The following GNB5 variants were observed in gnomAD, a reference collection of about 807,000 sequenced individuals.
GNB5 encodes the protein G protein subunit beta 5, also known as guanine nucleotide-binding protein subunit beta-5.
In GNB5, 37 loss-of-function variants were observed where a neutral mutation model predicts 55.3. The ratio of observed to expected loss-of-function variants is 0.67; its 90% CI spans 0.51 to 0.88. The LOEUF is 0.88. Among genes scored for constraint, GNB5 ranks in the 40% least tolerant of loss-of-function variants. The probability of loss-of-function intolerance (pLI) is 0.00; values close to 1 mark genes in which losing one functional copy is unlikely to be tolerated. For synonymous variants in GNB5, 219 were observed against 198.5 expected, an observed-to-expected ratio of 1.10 and a Z score of -0.87; for missense variants, 476 against 515.3, an observed-to-expected ratio of 0.92 and a Z score of 0.74.
chr15:52,172,039 C>T (rs971783862), intron 3 of GNB5, among the ~76,000 whole-genome samples: 1 of 152,224 alleles, frequency 6.6e-6, no homozygotes, highest in African/African-American at 2.4e-5. Context: ...CATGTCCTTC[C>T]TGGTCTGTCT....
rs1270620554 is a variant in GNB5, at chr15:52,153,972, T to C, written c.343A>G (p.Lys115Glu). The C allele has an allele frequency of 2.7e-5, 43 of 1,613,902 alleles. No individual in the cohort carries two copies. Among genetic ancestry groups the C allele is most frequent in the Non-Finnish European group, 3.4e-5 (40 of 1,179,896 alleles). The change falls in exon 4 of 13, where the codon AAA (lysine) becomes GAA (glutamate). Residue 115 changes from lysine (K) to glutamate (E), a missense_variant. Physicochemically the swap from Lys to Glu is moderately conservative, Grantham distance 56. Coordinates refer to ENST00000261837, the MANE Select transcript of GNB5 (RefSeq NM_016194.4). ...GAGCTCACGATCCTCCTCTTATCTTTGCACCAGTCCATGCACAGGACTTTG... is the reference window on the plus strand; with the variant it reads ...GAGCTCACGATCCTCCTCTTATCTTCGCACCAGTCCATGCACAGGACTTTG... ...GNKVLCMDWCKDKRRIVSSSQ... is the reference protein window; with the variant it reads ...GNKVLCMDWCEDKRRIVSSSQ...
At chr15:52,167,652 C>G (rs1476430189) in intron 3 of GNB5, among the ~76,000 whole-genome samples, 1 of 150,338 alleles carries the variant, frequency 6.7e-6, no homozygotes, top group Non-Finnish European at 1.5e-5. Flanking sequence ...GACTGGGCAA[C>G]AGGAGCAAGA....
At chr15:52,188,725 C>T (rs1319726940) in intron 1 of GNB5, among the ~76,000 whole-genome samples, 1 of 152,310 alleles carries the variant, frequency 6.6e-6, no homozygotes. Context: ...TTATGCCAAG[C>T]ACAAACTTTC....
chr15:52,156,985 G>C (rs1429454857), intron 3 of GNB5, among the ~76,000 whole-genome samples: 1 of 150,790 alleles, frequency 6.6e-6, no homozygotes, highest in Admixed American at 6.6e-5. Flanking sequence ...GCCCAGGCTG[G>C]AGTGCAGTGG....
chr15:52,130,306 A>T (rs1309325966), intron 9 of GNB5, among the ~76,000 whole-genome samples: 1 of 152,202 alleles, frequency 6.6e-6, no homozygotes, highest in Admixed American at 6.5e-5. Flanking sequence ...CCTTGGGTGG[A>T]CATGGTAGCC....
intron 3 of GNB5, among the ~76,000 whole-genome samples, chr15:52,158,437 C>T (rs1409006116): frequency 2.0e-5 from 3 of 152,148 alleles, no homozygotes; most frequent in South Asian, 4.2e-4. Flanking sequence ...CTTCAATCAA[C>T]GGTAGCAATC....
In GNB5 at chr15:52,184,664, T is replaced by G; in HGVS notation, c.13A>C (p.Thr5Pro). The G allele has an allele frequency of 6.2e-7, 1 of 1,613,478 alleles. No homozygotes were observed. Among genetic ancestry groups the G allele is most frequent in the Non-Finnish European group, 8.5e-7 (1 of 1,179,606 alleles). MCDQ[T>P]FLVNVFGSCD... Reference sequence around the variant, plus strand: ...GAGCCAAATACATTAACGAGAAAGGTCTGATCACACATCTTTTACCCAAGA... The same window carrying G: ...GAGCCAAATACATTAACGAGAAAGGGCTGATCACACATCTTTTACCCAAGA... Residue 5 changes from threonine (T) to proline (P), a missense_variant, in exon 2 of 13, where the codon ACC becomes CCC. Transcript: ENST00000261837.
At chr15:52,177,028 C>CTTTTTT (rs545411940) in intron 3 of GNB5, among the ~76,000 whole-genome samples, 59 of 77,834 alleles carry the variant, frequency 7.6e-4, no homozygotes, top group South Asian at 1.0e-3. Context: ...CTAGCTCCTC[C>CTTTTTT]TTTTTTTTTT....
chr15:52,135,790 G>A, intron 7 of GNB5, 34 bp from the exon 8 acceptor site: 1 of 1,607,966 alleles, frequency 6.2e-7, no homozygotes, highest in Non-Finnish European at 8.5e-7. Context: ...GTGGGTGGTT[G>A]TGGTTATTGC....
At chr15:52,135,133 G>A (rs1310945414) in intron 8 of GNB5, among the ~76,000 whole-genome samples, 1 of 152,030 alleles carries the variant, frequency 6.6e-6, no homozygotes, top group Non-Finnish European at 1.5e-5. Context: ...ATGGTGGCTG[G>A]CAGGGGTAGG....
chr15:52,132,209 G>C (rs779283014), intron 9 of GNB5, among the ~76,000 whole-genome samples: 14 of 152,180 alleles, frequency 9.2e-5, no homozygotes, highest in Non-Finnish European at 2.1e-4. Flanking sequence ...CCATTGCTGT[G>C]AGTAATAAAC....
chr15:52,128,246 T>C lies in GNB5; in HGVS notation c.864-2A>G, dbSNP rs2141185680. On this transcript the variant is annotated splice_acceptor_variant, in intron 9 of 12. Coordinates refer to ENST00000261837, the MANE Select transcript of GNB5 (RefSeq NM_016194.4). LOFTEE classifies it high-confidence loss of function. Reference sequence around the variant, plus strand: ...AAGGCATCTCCACTGGGGTAGTACCTGCAGAGAGAAAGTACTTTATCTACG... The same window carrying C: ...AAGGCATCTCCACTGGGGTAGTACCCGCAGAGAGAAAGTACTTTATCTACG... The C allele has an allele frequency of 1.2e-6, 2 of 1,601,082 alleles. No homozygotes were observed. Among genetic ancestry groups the C allele is most frequent in the South Asian group, 1.1e-5 (1 of 90,812 alleles).
Position 52,164,324 on chromosome 15 carries a change from A to G in GNB5, c.239-10248T>C, listed in dbSNP as rs1460015738. On this transcript the variant is annotated intron_variant, in intron 3 of 12. Transcript: ENST00000261837. ...ACTCTGTCTTAAAAAAAAAAAAAAA[A>G]AAAAAAAAAAAATGCTGGGTGTGGT... Among the ~76,000 whole-genome samples the G allele has an allele frequency of 2.7e-5, 4 of 145,748 alleles. No homozygotes were observed. In the East Asian group the frequency reaches 8.2e-4, roughly 30 times the overall value.
intron 3 of GNB5, among the ~76,000 whole-genome samples, chr15:52,162,069 A>G (rs962848359): frequency 1.3e-5 from 2 of 152,150 alleles, no homozygotes; most frequent in African/African-American, 4.8e-5. Flanking sequence ...GAGTCCAAAC[A>G]GCAAGCGTGA....
At chr15:52,176,401 T>C (rs2034651515) in intron 3 of GNB5, among the ~76,000 whole-genome samples, 1 of 152,216 alleles carries the variant, frequency 6.6e-6, no homozygotes, top group African/African-American at 2.4e-5. Flanking sequence ...CAGGGAAAAA[T>C]GACAGCACTG....
In GNB5 at chr15:52,168,317, T is replaced by C. The variant is rs559171020; in HGVS notation, c.238+11451A>G. On this transcript the variant is annotated intron_variant, in intron 3 of 12. Coordinates refer to ENST00000261837, the MANE Select transcript of GNB5 (RefSeq NM_016194.4). ...TTCAGCAAAGTCTCAGGATCCAAAA[T>C]CAATGTGCAAAAATCACTAGAGAGC... is the stretch of plus-strand genomic sequence containing the variant. Among the ~76,000 whole-genome samples, 5 of 152,166 alleles carry C rather than the reference T, an allele frequency of 3.3e-5. No individual in the cohort carries two copies. In the South Asian group the frequency reaches 1.0e-3, roughly 32 times the overall value.
In GNB5 at chr15:52,116,243, A is replaced by T. The variant is rs2033140798; in HGVS notation, c.*6514T>A. ...TCTGCTTCATGGTTCCTGGTTTCTG[A>T]CAAAGTTAATCTTTCACCATTGGTG... is the stretch of plus-strand genomic sequence containing the variant. On this transcript the variant is annotated 3_prime_UTR_variant, in exon 13 of 13. Transcript: ENST00000261837. 1 of 152,240 alleles carries T rather than the reference A, an allele frequency of 6.6e-6. No individual in the cohort carries two copies. The highest frequency in any genetic ancestry group is 2.1e-4 in the South Asian group (1 of 4,834). 9.4% of individuals were successfully genotyped at this position (152,240 alleles called of 1,614,324 possible).
At chr15:52,176,358 G>A (rs1195279417) in intron 3 of GNB5, among the ~76,000 whole-genome samples, 13 of 152,182 alleles carry the variant, frequency 8.5e-5, no homozygotes, top group African/African-American at 2.2e-4. Context: ...CTCGCTCATC[G>A]CACAGATGGG....
chr15:52,183,247 A>C (rs191622637), intron 2 of GNB5, among the ~76,000 whole-genome samples: 111 of 151,302 alleles, frequency 7.3e-4, no homozygotes, highest in African/African-American at 2.5e-3. Flanking sequence ...TGTGTGCCAC[A>C]GAGGACTCAA....
Sources: allele counts gnomAD v4.1 joint callset (sites outside exome capture counted in the v4.1 genomes callset), GRCh38; gene constraint gnomAD v4.1.1; transcripts MANE v1.5; gene names NCBI Gene and HGNC (gene_info 2026-07-23, HGNC 2026-07-21).